Variants in EEA1 observed in about 807,000 individuals in gnomAD.
The protein encoded by EEA1 is early endosome antigen 1, 162kD.
EEA1 carries 111 observed loss-of-function variants against 209.2 expected under a neutral mutation model. That is an observed-to-expected ratio of 0.53 (90% CI 0.45 to 0.62). The LOEUF (loss-of-function observed/expected upper bound fraction) is 0.62. EEA1 is among the 20% of genes least tolerant of loss of function. EEA1 has a pLI of 0.00. For synonymous variants in EEA1, 536 were observed against 540.6 expected (o/e 0.99, Z 0.12); for missense variants, 1,343 against 1,530.8 (o/e 0.88, Z 2.05).
rs574941583 is a variant in EEA1, at chr12:92,927,655, G to T, written c.24+1388C>A. On this transcript the variant is annotated intron_variant, in intron 1 of 28. Coordinates refer to ENST00000322349, the MANE Select transcript of EEA1 (RefSeq NM_003566.4). ...CAGAACTATGACAGAAACACAATCTGAAACATGAGGTAATCAGTTCCTCCA... is the reference window on the plus strand; with the variant it reads ...CAGAACTATGACAGAAACACAATCTTAAACATGAGGTAATCAGTTCCTCCA... Among the ~76,000 whole-genome samples the T allele has an allele frequency of 3.3e-5, 5 of 152,232 alleles. No homozygotes were observed. The East Asian group carries it at 9.6e-4, about 29-fold the overall frequency.
intron 28 of EEA1, 25 bp from the exon 29 acceptor site, chr12:92,776,158 T>C (rs771765930): frequency 6.3e-7 from 1 of 1,587,702 alleles, no homozygotes; most frequent in South Asian, 1.2e-5. Context: ...AATTAAACAA[T>C]TTCAAGAATA....
intron 18 of EEA1, among the ~76,000 whole-genome samples, chr12:92,806,942 A>ATTTTTTTTTTTTTTTTTTTTTTTTT (rs34717047): frequency 6.8e-6 from 1 of 147,394 alleles, no homozygotes; most frequent in Non-Finnish European, 1.5e-5. Context: ...TTTTTTAATA[A>ATTTTTTTTTTTTTTTTTTTTTTTTT]TTTTTTTTTT....
chr12:92,856,880 T>G (rs1490001115), intron 5 of EEA1, among the ~76,000 whole-genome samples: 1 of 146,130 alleles, frequency 6.8e-6, no homozygotes, highest in East Asian at 2.2e-4. Flanking sequence ...CAAGTGAATC[T>G]CCCATCTCAG....
At chr12:92,893,393 G>T (rs990383843) in intron 1 of EEA1, among the ~76,000 whole-genome samples, 5 of 152,114 alleles carry the variant, frequency 3.3e-5, no homozygotes. Context: ...GAGCAGTGTG[G>T]CTCTTAATCA....
chr12:92,794,539 T>C (rs1297163618), intron 21 of EEA1, among the ~76,000 whole-genome samples: 2 of 152,112 alleles, frequency 1.3e-5, no homozygotes, highest in Non-Finnish European at 2.9e-5. Flanking sequence ...CACCATGGAA[T>C]ACTATGCAGC....
At chr12:92,806,155 A>C (rs1460110279) in intron 18 of EEA1, among the ~76,000 whole-genome samples, 1 of 152,242 alleles carries the variant, frequency 6.6e-6, no homozygotes, top group African/African-American at 2.4e-5. Flanking sequence ...CAAAGTAATA[A>C]GGTCTAAAGA....
chr12:92,785,027 T>TAAAA (rs33945823), intron 22 of EEA1, among the ~76,000 whole-genome samples: 1 of 142,694 alleles, frequency 7.0e-6, no homozygotes, highest in Admixed American at 7.0e-5. Flanking sequence ...CATACTTTCT[T>TAAAA]AAAAAAAAAA....
intron 11 of EEA1, among the ~76,000 whole-genome samples, chr12:92,832,010 C>G (rs1374681395): frequency 1.3e-5 from 2 of 150,752 alleles, no homozygotes; most frequent in Non-Finnish European, 3.0e-5. Flanking sequence ...TGGCGTGAAC[C>G]CGGGAAGCGG....
chr12:92,851,899 G>A (rs761468096), intron 8 of EEA1, among the ~76,000 whole-genome samples: 1 of 152,004 alleles, frequency 6.6e-6, no homozygotes, highest in Non-Finnish European at 1.5e-5. Flanking sequence ...GAGAAGACCA[G>A]GATCAGAGAT....
chr12:92,907,241 C>A (rs1158195588), intron 1 of EEA1, among the ~76,000 whole-genome samples: 1 of 152,152 alleles, frequency 6.6e-6, no homozygotes, highest in East Asian at 1.9e-4. Flanking sequence ...TAATAAAACA[C>A]TAACTTTAAT....
intron 14 of EEA1, among the ~76,000 whole-genome samples, chr12:92,818,306 G>C (rs1006776767): frequency 6.6e-6 from 1 of 152,142 alleles, no homozygotes; most frequent in Non-Finnish European, 1.5e-5. Flanking sequence ...TCAAAAGTTA[G>C]TGTGGTCAAA....
chr12:92,890,805 C>T (rs764140521), intron 2 of EEA1, among the ~76,000 whole-genome samples: 3 of 152,040 alleles, frequency 2.0e-5, no homozygotes, highest in Non-Finnish European at 4.4e-5. Context: ...AAAAAATAAA[C>T]ACATGGTCAG....
rs754843688 is a variant in EEA1, at chr12:92,857,360, A to G, written c.301-20T>C. The G allele has an allele frequency of 4.5e-5, 70 of 1,565,866 alleles. No individual in the cohort carries two copies. The highest frequency in any genetic ancestry group is 5.9e-5 in the Non-Finnish European group (68 of 1,157,696). On this transcript the variant is annotated intron_variant, in intron 4 of 28. Transcript: ENST00000322349. Reference sequence around the variant, plus strand: ...TTCTTCCTAATAAAAAAGATTTTTAATTAGTAAATTTAAAAAGAGGTATTA... The same window carrying G: ...TTCTTCCTAATAAAAAAGATTTTTAGTTAGTAAATTTAAAAAGAGGTATTA...
chr12:92,843,793 A>T (rs1877276302), intron 9 of EEA1, among the ~76,000 whole-genome samples: 2 of 152,142 alleles, frequency 1.3e-5, no homozygotes, highest in Admixed American at 6.5e-5. Flanking sequence ...CAAGTTTTAA[A>T]TTTTTTCTTA....
chr12:92,879,760 T>A (rs1218104240), intron 2 of EEA1, among the ~76,000 whole-genome samples: 2 of 152,258 alleles, frequency 1.3e-5, no homozygotes, highest in Non-Finnish European at 2.9e-5. Flanking sequence ...TATTGTGTGC[T>A]GCCTTGACAT....
intron 21 of EEA1, among the ~76,000 whole-genome samples, chr12:92,797,669 G>A (rs1874717208): frequency 6.6e-6 from 1 of 152,080 alleles, no homozygotes; most frequent in South Asian, 2.1e-4. Flanking sequence ...ATATTTTGAA[G>A]AAAATGACCT....
At chr12:92,854,967 C>A (rs1592738391) in intron 5 of EEA1, among the ~76,000 whole-genome samples, 1 of 152,200 alleles carries the variant, frequency 6.6e-6, no homozygotes, top group African/African-American at 2.4e-5. Flanking sequence ...CTTTTAAGCA[C>A]TGTGAACCGA....
chr12:92,885,827 C>A (rs1159380677), intron 2 of EEA1, among the ~76,000 whole-genome samples: 1 of 152,188 alleles, frequency 6.6e-6, no homozygotes, highest in Non-Finnish European at 1.5e-5. Context: ...CAGTTCAAAC[C>A]TGTGTTGTTC....
At chr12:92,917,619 A>G (rs996152335) in intron 1 of EEA1, among the ~76,000 whole-genome samples, 21 of 152,194 alleles carry the variant, frequency 1.4e-4, no homozygotes, top group Admixed American at 2.6e-4. Context: ...AGGAACAACC[A>G]GTACCAGCCA....
Sources: gnomAD v4.1 joint callset for allele counts (sites outside exome capture counted in the v4.1 genomes callset) on GRCh38, gnomAD v4.1.1 for gene constraint, MANE v1.5 for transcripts, NCBI Gene and HGNC (gene_info 2026-07-23, HGNC 2026-07-21) for gene names.